The following RBKS variants were observed in gnomAD, a reference collection of about 807,000 sequenced individuals.
RBKS encodes the protein ribokinase.
A neutral mutation model predicts 33.9 loss-of-function variants in RBKS; 33 were observed. The ratio of observed to expected loss-of-function variants is 0.97; its 90% CI spans 0.74 to 1.30. RBKS has a LOEUF of 1.30. Among genes scored for constraint, RBKS ranks in the 50% most tolerant of loss-of-function variants. The probability of loss-of-function intolerance (pLI) is 0.00; values close to 1 mark genes in which losing one functional copy is unlikely to be tolerated. For missense variants in RBKS, 361 were observed against 392.6 expected (o/e 0.92, Z 0.68); for synonymous variants, 125 against 143.0 (o/e 0.87, Z 0.90).
intron 7 of RBKS, among the ~76,000 whole-genome samples, chr2:27,787,748 T>C (rs2148181254): frequency 6.6e-6 from 1 of 152,154 alleles, no homozygotes; most frequent in East Asian, 1.9e-4. Flanking sequence ...ACTATAATGC[T>C]AGTGTCACCA....
intron 3 of RBKS, among the ~76,000 whole-genome samples, chr2:27,847,771 G>T (rs1446030104): frequency 6.6e-6 from 1 of 152,212 alleles, no homozygotes; most frequent in Non-Finnish European, 1.5e-5. Flanking sequence ...TTTTGTGAAT[G>T]CAGCACCTTT....
intron 7 of RBKS, among the ~76,000 whole-genome samples, chr2:27,786,655 G>C (rs1427818216): frequency 6.6e-6 from 1 of 152,102 alleles, no homozygotes; most frequent in Non-Finnish European, 1.5e-5. Flanking sequence ...GGTGGTGGGT[G>C]CCTGTAATCC....
intron 5 of RBKS, among the ~76,000 whole-genome samples, chr2:27,834,042 C>A (rs1433712339): frequency 6.6e-6 from 1 of 152,244 alleles, no homozygotes; most frequent in East Asian, 1.9e-4. Flanking sequence ...CTCAAACCCA[C>A]TGAATCAGAA....
At chr2:27,882,720 A>G (rs1203966901) in intron 1 of RBKS, among the ~76,000 whole-genome samples, 1 of 152,262 alleles carries the variant, frequency 6.6e-6, no homozygotes, top group Admixed American at 6.5e-5. Flanking sequence ...AATGTGGTAC[A>G]TATACACTAT....
At chr2:27,880,001 T>G (rs1426118358) in intron 1 of RBKS, among the ~76,000 whole-genome samples, 1 of 152,140 alleles carries the variant, frequency 6.6e-6, no homozygotes, top group African/African-American at 2.4e-5. Context: ...GAGGCCAGCA[T>G]CATCTTGATA....
intron 6 of RBKS, among the ~76,000 whole-genome samples, chr2:27,829,437 C>T (rs1286602995): frequency 6.9e-6 from 1 of 144,702 alleles, no homozygotes; most frequent in Non-Finnish European, 1.5e-5. Context: ...GGGGAGATCT[C>T]GGCTCACTGC....
At position 27,832,723 on chromosome 2, in the gene RBKS, T is replaced by C. The variant is rs751358686; in HGVS notation, c.569A>G (p.Tyr190Cys). 1.1e-5 allele frequency: 17 copies of C among 1,613,524 alleles called. No homozygotes were observed. The highest frequency in any genetic ancestry group is 2.7e-5 in the African/African-American group (2 of 74,900). Residue 190 changes from tyrosine to cysteine, a missense_variant, in exon 6 of 8, where the codon TAC (tyrosine) becomes TGC (cysteine). Transcript: ENST00000302188. ...PAIADLDPQF[Y>C]TLSDVFCCNE... The stretch of plus-strand genomic sequence containing the variant: ...GCAGCAGAACACATCTGAGAGGGTG[T>C]AGAACTGGGGATCCAGGTCAGCAAT...
intron 5 of RBKS, among the ~76,000 whole-genome samples, chr2:27,834,900 T>G (rs1678486508): frequency 6.6e-6 from 1 of 152,182 alleles, no homozygotes; most frequent in Non-Finnish European, 1.5e-5. Context: ...CATGCAAAGA[T>G]GATATACAAT....
At chr2:27,785,429 G>C (rs1170054395) in intron 7 of RBKS, among the ~76,000 whole-genome samples, 1 of 152,102 alleles carries the variant, frequency 6.6e-6, no homozygotes, top group Non-Finnish European at 1.5e-5. Context: ...AAATGTATAT[G>C]GTAGGTAATA....
chr2:27,866,234 T>G (rs1035302749), intron 1 of RBKS, among the ~76,000 whole-genome samples: 7 of 152,220 alleles, frequency 4.6e-5, no homozygotes, highest in Admixed American at 3.9e-4. Context: ...TTAAAGATTT[T>G]ATTTTCTTCT....
chr2:27,861,982 G>C (rs1663999287), intron 1 of RBKS, among the ~76,000 whole-genome samples: 1 of 133,612 alleles, frequency 7.5e-6, no homozygotes, highest in Admixed American at 8.1e-5. Context: ...GACAGAGTCT[G>C]CTCAGTTGCT....
intron 5 of RBKS, among the ~76,000 whole-genome samples, chr2:27,840,327 T>TACACACACACACACACACACACAC (rs544313433): frequency 8.5e-6 from 1 of 117,810 alleles, no homozygotes; most frequent in East Asian, 2.6e-4. Context: ...GATGATGCAT[T>TACACACACACACACACACACACAC]ACACACACAC....
chr2:27,887,146 A>G (rs1664550386), intron 1 of RBKS, among the ~76,000 whole-genome samples: 1 of 152,220 alleles, frequency 6.6e-6, no homozygotes, highest in South Asian at 2.1e-4. Context: ...AAGAGTTCTT[A>G]TAATGTAGAA....
chr2:27,874,575 C>A (rs542254543), intron 1 of RBKS, among the ~76,000 whole-genome samples: 1 of 152,196 alleles, frequency 6.6e-6, no homozygotes. Flanking sequence ...GCCACTTATA[C>A]GCTGATGTGT....
chr2:27,842,559 G>A (rs930930716), intron 5 of RBKS, among the ~76,000 whole-genome samples: 9 of 152,124 alleles, frequency 5.9e-5, no homozygotes, highest in South Asian at 2.1e-4. Flanking sequence ...ATGTATGCAT[G>A]TATTTGTATG....
intron 1 of RBKS, among the ~76,000 whole-genome samples, chr2:27,882,358 A>C (rs1441344416): frequency 6.6e-6 from 1 of 152,248 alleles, no homozygotes; most frequent in Admixed American, 6.5e-5. Flanking sequence ...AGCGAAATAC[A>C]AATCAAAACC....
intron 7 of RBKS, among the ~76,000 whole-genome samples, chr2:27,793,526 G>C (rs146641028): frequency 1.3e-5 from 2 of 152,270 alleles, no homozygotes; most frequent in East Asian, 1.9e-4. Context: ...CCTCAAATGC[G>C]TAAGACAGAC....
chr2:27,794,183 G>A (rs1255776885), intron 7 of RBKS, among the ~76,000 whole-genome samples: 1 of 151,638 alleles, frequency 6.6e-6, no homozygotes, highest in Non-Finnish European at 1.5e-5. Flanking sequence ...TGTAATAACA[G>A]CTACTTGGGA....
In RBKS at chr2:27,810,711, T is replaced by A. The variant is rs1417111410; in HGVS notation, c.795+16856A>T. Among the ~76,000 whole-genome samples the A allele has an allele frequency of 1.3e-5, 2 of 152,114 alleles. No homozygotes were observed. Among genetic ancestry groups the A allele is most frequent in the African/African-American group, 4.8e-5 (2 of 41,420 alleles). ...TTTAAGGAAATGAACTATCTTTATGTCATCTGAATTCCCATGAGCTCTCAA... is the reference window on the plus strand; with the variant it reads ...TTTAAGGAAATGAACTATCTTTATGACATCTGAATTCCCATGAGCTCTCAA... On this transcript the variant is annotated intron_variant, in intron 7 of 7. Coordinates refer to ENST00000302188, the MANE Select transcript of RBKS (RefSeq NM_022128.3). The surrounding 1 kb of genome is among the most constrained non-coding windows in gnomAD (Gnocchi z 4.4).
Sources: allele counts gnomAD v4.1 joint callset (sites outside exome capture counted in the v4.1 genomes callset), GRCh38; gene constraint gnomAD v4.1.1; non-coding constraint Gnocchi (gnomAD v3.1); transcripts MANE v1.5; gene names NCBI Gene and HGNC (gene_info 2026-07-23, HGNC 2026-07-21).